Variants in MPHOSPH10 observed in about 807,000 individuals in gnomAD.
MPHOSPH10 encodes the protein M-phase phosphoprotein 10.
In MPHOSPH10, 33 loss-of-function variants were observed where a neutral mutation model predicts 77.3. The ratio of observed to expected loss-of-function variants is 0.43; its 90% CI spans 0.32 to 0.57. MPHOSPH10 has a LOEUF of 0.57. Among genes scored for constraint, MPHOSPH10 ranks in the 20% least tolerant of loss-of-function variants. The pLI is 0.07. For synonymous variants in MPHOSPH10, 245 were observed against 268.0 expected (o/e 0.91, Z 0.84); for missense variants, 708 against 780.1 (o/e 0.91, Z 1.10).
Position 71,130,677 on chromosome 2 carries a change from G to C in MPHOSPH10, c.12G>C (p.Gln4His). The C allele has an allele frequency of 6.2e-7, 1 of 1,609,640 alleles. No homozygotes were observed. The highest frequency in any genetic ancestry group is 8.5e-7 in the Non-Finnish European group (1 of 1,178,564). Residue 4 changes from glutamine to histidine, a missense_variant, in exon 1 of 11, where the codon CAG becomes CAC. By Grantham distance (24) the Gln-to-His change is conservative (BLOSUM62 0). Around this residue, in one of 3 missense-constraint regions of MPHOSPH10, gnomAD observed 433 missense variants for 432.6 expected, o/e 1.00. Coordinates refer to ENST00000244230, the MANE Select transcript of MPHOSPH10 (RefSeq NM_005791.3). The part of the protein sequence containing the change: MAP[Q>H]VWRRRTLERC... ...AGTTGCTGACAGCCATGGCGCCGCA[G>C]GTCTGGCGTCGACGGACCCTGGAGC...
Position 71,149,886 on chromosome 2 carries a change from C to T in MPHOSPH10, c.1917C>T (p.Ala639=). The T allele has an allele frequency of 1.9e-6, 3 of 1,562,826 alleles. No homozygotes were observed. The highest frequency in any genetic ancestry group is 3.5e-4 in the Middle Eastern group (2 of 5,656). ...TGCAGGATGAAGGTAAAGACAAGGC[C>T]TTAAAGTCCTCTCAAGCATTCTTTT... ...SFIKDEGKDK[A]LKSSQAFFSK... is the part of the protein sequence containing the mutation. The change falls in exon 11 of 11, where the codon GCC becomes GCT. Residue 639 remains alanine, a synonymous_variant. Coordinates refer to ENST00000244230, the MANE Select transcript of MPHOSPH10 (RefSeq NM_005791.3).
At chr2:71,143,165 C>CG (rs1673642199) in intron 7 of MPHOSPH10, among the ~76,000 whole-genome samples, 1 of 143,916 alleles carries the variant, frequency 6.9e-6, no homozygotes, top group Admixed American at 7.0e-5. Context: ...TTTTTTGAGA[C>CG]GGAGTCTTGC....
intron 1 of MPHOSPH10, 122 bp from the exon 2 acceptor site, chr2:71,132,776 A>G (rs1196997705): frequency 7.7e-7 from 1 of 1,300,648 alleles, no homozygotes; most frequent in Non-Finnish European, 1.0e-6. Flanking sequence ...GGGGGCCAGA[A>G]TCTATACTTA....
rs756124280 is a variant in MPHOSPH10 at position 71,130,649 on chromosome 2, G to A, written c.-17G>A. Reference sequence around the variant, plus strand: ...CTTCCCTTGCATGCTGCATTGTGTCGGGAGTTGCTGACAGCCATGGCGCCG... The same window carrying A: ...CTTCCCTTGCATGCTGCATTGTGTCAGGAGTTGCTGACAGCCATGGCGCCG... On this transcript the variant is annotated 5_prime_UTR_variant, in exon 1 of 11. Coordinates refer to ENST00000244230, the MANE Select transcript of MPHOSPH10 (RefSeq NM_005791.3). The A allele has an allele frequency of 5.6e-6, 9 of 1,603,186 alleles. No individual in the cohort carries two copies. In the Admixed American group the frequency reaches 8.5e-5, roughly 15 times the overall value.
Position 71,136,913 on chromosome 2 carries a change from A to AACACACACAC in MPHOSPH10, c.1099-1539_1099-1530dup, listed in dbSNP as rs56768441. Among the ~76,000 whole-genome samples, 708 of 119,056 alleles carry AACACACACAC rather than the reference A, an allele frequency of 5.9e-3. 4 individuals are homozygous for AACACACACAC. The highest frequency in any genetic ancestry group is 8.7e-3 in the Non-Finnish European group (523 of 60,246). The allele number at this position is 119,056 out of a possible 152,430, so 78.1% of individuals were successfully genotyped here. A position where few individuals can be genotyped will look rare whatever the true frequency, so the allele number is the denominator to read the frequency against. On this transcript the variant is annotated intron_variant, in intron 4 of 10. Transcript: ENST00000244230. ...CCAAACCTGACAGAGGTAGCATTAA[A>AACACACACAC]ACACACACACACACACACACACACA... is the stretch of plus-strand genomic sequence containing the variant.
At chr2:71,144,271 C>G (rs927305629) in intron 7 of MPHOSPH10, 157 bp from the exon 8 acceptor site, 1 of 590,478 alleles carries the variant, frequency 1.7e-6, no homozygotes, top group Non-Finnish European at 3.0e-6. Flanking sequence ...CTGGAACCCT[C>G]ATGGTACTGC....
chr2:71,133,913 C>G (rs1395854913), intron 2 of MPHOSPH10, 35 bp from the exon 3 acceptor site: 1 of 1,358,846 alleles, frequency 7.4e-7, no homozygotes, highest in South Asian at 1.5e-5. Context: ...TTTTTCTATC[C>G]CTAATTAATA....
intron 1 of MPHOSPH10, among the ~76,000 whole-genome samples, chr2:71,132,480 A>G (rs79137120): frequency 0.017 from 2,620 of 152,250 alleles, 23 homozygotes; most frequent in Non-Finnish European, 0.02. Context: ...CAACCTTTAT[A>G]AGACTATCTC....
At chr2:71,142,680 A>C (rs948968765) in intron 7 of MPHOSPH10, among the ~76,000 whole-genome samples, 8 of 152,236 alleles carry the variant, frequency 5.3e-5, no homozygotes, top group Admixed American at 1.3e-4. Context: ...ATTGTTACCT[A>C]GAATGAGGTG....
At position 71,149,212 on chromosome 2, in the gene MPHOSPH10, T is replaced by G. The variant is rs1183954741; in HGVS notation, c.1666-11T>G. ...GATGAATGAATATGTTGGTGGTTAT[T>G]TTTTTAATAGGAGAAAAATAAAGCT... On this transcript the variant is annotated splice_polypyrimidine_tract_variant and intron_variant, in intron 9 of 10. Coordinates refer to ENST00000244230, the MANE Select transcript of MPHOSPH10 (RefSeq NM_005791.3). 2.6e-6 allele frequency: 4 copies of G among 1,536,508 alleles called. No individual in the cohort carries two copies. The highest frequency in any genetic ancestry group is 3.5e-6 in the Non-Finnish European group (4 of 1,143,860).
At chr2:71,139,538 G>A (rs944077076) in intron 5 of MPHOSPH10, 6 of 264,536 alleles carry the variant, frequency 2.3e-5, no homozygotes, top group African/African-American at 1.1e-4. Context: ...GGGTACCTTG[G>A]GTAAAGTATT....
In MPHOSPH10 at chr2:71,144,481, G is replaced by T; in HGVS notation, c.1500G>T (p.Met500Ile). The part of the protein sequence containing the change: ...NPEHVEIQKM[M>I]DSLFLKLDAL... The stretch of plus-strand genomic sequence containing the variant: ...AACATGTAGAAATTCAGAAGATGAT[G>T]GATTCCCTCTTCTTAAAATTGGATG... The change falls in exon 8 of 11, where the codon ATG (methionine) becomes ATT (isoleucine). Residue 500 changes from methionine (M) to isoleucine (I), a missense_variant. Met to Ile is a conservative substitution (Grantham distance 10, BLOSUM62 1). Transcript: ENST00000244230. 1 of 1,612,368 alleles carries T rather than the reference G, an allele frequency of 6.2e-7. No individual in the cohort carries two copies. Among genetic ancestry groups the T allele is most frequent in the Non-Finnish European group, 8.5e-7 (1 of 1,178,964 alleles).
chr2:71,138,417 T>A, intron 4 of MPHOSPH10, 73 bp from the exon 5 acceptor site: 1 of 1,140,240 alleles, frequency 8.8e-7, no homozygotes, highest in Non-Finnish European at 1.2e-6. Context: ...ACTTTTTAAA[T>A]TATTTTTTGC....
At chr2:71,147,966 G>A (rs756306082) in intron 8 of MPHOSPH10, 33 bp from the exon 9 acceptor site, 1 of 1,551,636 alleles carries the variant, frequency 6.4e-7, no homozygotes, top group Admixed American at 1.7e-5. Flanking sequence ...AGTCCCTTCT[G>A]GCTTCCCATT....
intron 1 of MPHOSPH10, 22 bp downstream of exon 1, chr2:71,130,776 T>C (rs1323888625): frequency 6.3e-7 from 1 of 1,590,980 alleles, no homozygotes; most frequent in Non-Finnish European, 8.6e-7. Flanking sequence ...GATCCCGGGC[T>C]CGGGGTGCGA....
In MPHOSPH10 at chr2:71,144,418, A is replaced by T. The variant is rs752128669; in HGVS notation, c.1447-10A>T. 6.2e-7 allele frequency: 1 copy of T among 1,606,912 alleles called. No homozygotes were observed. Among genetic ancestry groups the T allele is most frequent in the Admixed American group, 1.7e-5 (1 of 59,908 alleles). On this transcript the variant is annotated splice_polypyrimidine_tract_variant and intron_variant, in intron 7 of 10. Transcript: ENST00000244230. ...CGCTTAGTTTGACATTGTTGAACTT[A>T]TTTCCTAAGCAAAAAACAGCAGAAG...
chr2:71,133,914 C>G, intron 2 of MPHOSPH10, 34 bp from the exon 3 acceptor site: 1 of 1,375,206 alleles, frequency 7.3e-7, no homozygotes, highest in Non-Finnish European at 9.9e-7. Flanking sequence ...TTTTCTATCC[C>G]TAATTAATAG....
chr2:71,140,134 G>C (rs1464525863), intron 6 of MPHOSPH10, among the ~76,000 whole-genome samples: 1 of 152,156 alleles, frequency 6.6e-6, no homozygotes, highest in Admixed American at 6.5e-5. Context: ...TGAAGCTGGT[G>C]GCTGACCTGT....
At chr2:71,134,947 G>A (rs557711879) in intron 4 of MPHOSPH10, 150 bp downstream of exon 4, 14 of 639,696 alleles carry the variant, frequency 2.2e-5, no homozygotes, top group South Asian at 6.3e-5. Flanking sequence ...CAAGAGGATC[G>A]CTTGAGCTCA....
Sources: gnomAD v4.1 joint callset for allele counts (sites outside exome capture counted in the v4.1 genomes callset) on GRCh38, gnomAD v4.1.1 for gene constraint, gnomAD v4.1.1 regional missense constraint, MANE v1.5 for transcripts, NCBI Gene and HGNC (gene_info 2026-07-23, HGNC 2026-07-21) for gene names.